Variants in DIAPH2 observed in about 807,000 individuals in gnomAD.
DIAPH2 encodes protein diaphanous homolog 2.
In DIAPH2, 35 loss-of-function variants were observed where a neutral mutation model predicts 92.7. The observed-to-expected ratio is 0.38, with a 90% CI of 0.29 to 0.50. The LOEUF is 0.50. Ranked by LOEUF, DIAPH2 falls within the 20% of genes least tolerant of loss-of-function variation. The probability of loss-of-function intolerance (pLI) is 0.94; values close to 1 mark genes in which losing one functional copy is unlikely to be tolerated. For missense variants in DIAPH2, 701 were observed against 819.5 expected (o/e 0.86, Z 1.77); for synonymous variants, 301 against 280.4 (o/e 1.07, Z -0.73).
intron 4 of DIAPH2, among the ~76,000 whole-genome samples, chrX:96,770,352 A>G (rs771540213): frequency 7.1e-5 from 8 of 112,351 alleles, no homozygotes; most frequent in African/African-American, 2.3e-4. Context: ...CTGCTACTAC[A>G]TTAATAAATT....
intron 4 of DIAPH2, among the ~76,000 whole-genome samples, chrX:96,785,761 G>A (rs1459920493): frequency 9.1e-6 from 1 of 110,086 alleles, no homozygotes; most frequent in Admixed American, 9.7e-5. Context: ...ACAGGCATAA[G>A]CCACCACTCC....
intron 26 of DIAPH2, among the ~76,000 whole-genome samples, chrX:97,515,951 A>G (rs960759528): frequency 9.0e-6 from 1 of 111,664 alleles, no homozygotes; most frequent in Non-Finnish European, 1.9e-5. Flanking sequence ...CATAATAATA[A>G]ACATATAAAA....
intron 22 of DIAPH2, among the ~76,000 whole-genome samples, chrX:97,226,712 G>T (rs2067968359): frequency 9.0e-6 from 1 of 111,609 alleles, no homozygotes; most frequent in Admixed American, 9.6e-5. Context: ...AAATACTCAG[G>T]CAGTCAGTGG....
At chrX:97,474,087 C>T (rs1257754280) in intron 26 of DIAPH2, among the ~76,000 whole-genome samples, 1 of 112,838 alleles carries the variant, frequency 8.9e-6, no homozygotes, top group African/African-American at 3.2e-5. Context: ...TTTTGGGCTA[C>T]AGCAGTAGAG....
chrX:96,854,639 A>ATATATC (rs2065028247), intron 4 of DIAPH2, among the ~76,000 whole-genome samples: 4 of 82,135 alleles, frequency 4.9e-5, no homozygotes, highest in Non-Finnish European at 7.0e-5. Context: ...ATATATATAT[A>ATATATC]TATCCATCTG....
chrX:96,970,325 T>C (rs183240222), intron 17 of DIAPH2, among the ~76,000 whole-genome samples: 32 of 109,313 alleles, frequency 2.9e-4, no homozygotes, highest in Admixed American at 2.6e-3. Context: ...AGACTTCAGC[T>C]GTGAAACTGT....
At chrX:97,142,120 T>C (rs1402506662) in intron 22 of DIAPH2, among the ~76,000 whole-genome samples, 3 of 111,780 alleles carry the variant, frequency 2.7e-5, no homozygotes, top group Non-Finnish European at 3.8e-5. Context: ...CTTGGTTATA[T>C]GACAATGATT....
intron 19 of DIAPH2, among the ~76,000 whole-genome samples, chrX:97,089,635 A>G (rs1160311248): frequency 2.7e-5 from 3 of 111,813 alleles, no homozygotes; most frequent in Non-Finnish European, 5.6e-5. Context: ...ATTGCATTTC[A>G]TTTGATGGTA....
chrX:96,712,249 A>G (rs976127299), intron 1 of DIAPH2, among the ~76,000 whole-genome samples: 2 of 111,609 alleles, frequency 1.8e-5, no homozygotes, highest in African/African-American at 6.5e-5. Flanking sequence ...TATTCTCTGA[A>G]AAACGTTGTT....
chrX:97,335,179 GTTA>G (rs2069047536), intron 23 of DIAPH2, among the ~76,000 whole-genome samples: 1 of 109,953 alleles, frequency 9.1e-6, no homozygotes, highest in Admixed American at 9.8e-5. Flanking sequence ...CATTGTGGGG[GTTA>G]AATAAGACAA....
chrX:97,309,645 C>T (rs980489046), intron 23 of DIAPH2, among the ~76,000 whole-genome samples: 5 of 111,830 alleles, frequency 4.5e-5, no homozygotes, highest in Non-Finnish European at 9.4e-5. Context: ...ATCTCCTTAT[C>T]GTTGCCAGAA....
rs1602514442 is a variant in DIAPH2 at position 97,332,419 on chromosome X, T to C, written c.2845-15697T>C. Among the ~76,000 whole-genome samples, 4 of 111,976 alleles carry C rather than the reference T, an allele frequency of 3.6e-5. No homozygotes were observed. The Admixed American group carries it at 3.8e-4, about 11-fold the overall frequency. On this transcript the variant is annotated intron_variant, in intron 23 of 26. Coordinates refer to ENST00000324765, the MANE Select transcript of DIAPH2 (RefSeq NM_006729.5). ...TAAACTTGATTTGGAAGACATTTCCTTTTTTGTTGCCACTTCTTTACCTCA... is the reference window on the plus strand; with the variant it reads ...TAAACTTGATTTGGAAGACATTTCCCTTTTTGTTGCCACTTCTTTACCTCA...
chrX:97,528,604 C>T (rs1460708783), intron 26 of DIAPH2: 1 of 111,681 alleles, frequency 9.0e-6, no homozygotes, highest in Admixed American at 9.5e-5. Flanking sequence ...CAAGAACTCA[C>T]TCATTACCAC....
intron 4 of DIAPH2, among the ~76,000 whole-genome samples, chrX:96,792,104 T>C (rs1282145443): frequency 2.7e-5 from 3 of 111,862 alleles, no homozygotes; most frequent in Non-Finnish European, 5.6e-5. Context: ...TCTGAGAGTT[T>C]CTAGTAGGGG....
chrX:96,868,811 G>C (rs1164601858), intron 4 of DIAPH2, among the ~76,000 whole-genome samples: 1 of 111,852 alleles, frequency 8.9e-6, no homozygotes, highest in Non-Finnish European at 1.9e-5. Context: ...GATACCATAT[G>C]CACAGTAAGA....
rs1358718166 is a variant in DIAPH2 at position 96,735,810 on chromosome X, T to C, written c.165+20T>C. ...GATGTGGTAAGGTGGTCTTAGCATG[T>C]TATTACATTACTTATGCATGTTGCC... On this transcript the variant is annotated intron_variant, in intron 2 of 26. Transcript: ENST00000324765. 1.1e-6 allele frequency: 1 copy of C among 945,884 alleles called. No individual in the cohort carries two copies. Among genetic ancestry groups the C allele is most frequent in the Non-Finnish European group, 1.5e-6 (1 of 681,492 alleles). The allele number at this position is 945,884 out of a possible 1,213,427, so 78.0% of individuals were successfully genotyped here.
At chrX:97,401,144 G>A (rs1260683227) in intron 25 of DIAPH2, among the ~76,000 whole-genome samples, 3 of 110,735 alleles carry the variant, frequency 2.7e-5, no homozygotes, top group African/African-American at 9.9e-5. Flanking sequence ...TTTGGGCAGA[G>A]CTTCTTCAGG....
intron 26 of DIAPH2, among the ~76,000 whole-genome samples, chrX:97,596,728 C>G (rs1276735653): frequency 1.8e-5 from 2 of 111,757 alleles, no homozygotes; most frequent in African/African-American, 6.5e-5. Context: ...GAGTCCTGAC[C>G]TTATAAGGGC....
At chrX:97,004,403 G>A (rs1209254474) in intron 17 of DIAPH2, among the ~76,000 whole-genome samples, 1 of 111,208 alleles carries the variant, frequency 9.0e-6, no homozygotes, top group Non-Finnish European at 1.9e-5. Flanking sequence ...GGTAGCATAG[G>A]CATTTTAACA....
Sources: gnomAD v4.1 joint callset for allele counts (sites outside exome capture counted in the v4.1 genomes callset) on GRCh38, gnomAD v4.1.1 for gene constraint, MANE v1.5 for transcripts, NCBI Gene and HGNC (gene_info 2026-07-23, HGNC 2026-07-21) for gene names.